The following CNTN4 variants were observed in gnomAD, a reference collection of about 807,000 sequenced individuals.
The protein encoded by CNTN4 is contactin-4.
CNTN4 carries 77 observed loss-of-function variants against 122.5 expected under a neutral mutation model. The observed-to-expected ratio is 0.63, with a 90% confidence interval of 0.52 to 0.76. The LOEUF (loss-of-function observed/expected upper bound fraction) is 0.76, where lower values mean the gene tolerates loss of function less well. CNTN4 is among the 30% of genes least tolerant of loss of function. The pLI, the probability that CNTN4 is intolerant of heterozygous loss-of-function variation, is 0.00. For synonymous variants in CNTN4, 512 were observed against 447.0 expected, an observed-to-expected ratio of 1.15 and a Z score of -1.83; for missense variants, 1,256 against 1,259.1, an observed-to-expected ratio of 1.00 and a Z score of 0.04.
intron 2 of CNTN4, among the ~76,000 whole-genome samples, chr3:2,137,484 G>T (rs1484429172): frequency 6.6e-6 from 1 of 152,014 alleles, no homozygotes; most frequent in African/African-American, 2.4e-5. Flanking sequence ...CCTTGTGAAT[G>T]ATAATTTGGG....
chr3:2,566,839 C>T (rs1054950880), intron 3 of CNTN4, among the ~76,000 whole-genome samples: 3 of 152,142 alleles, frequency 2.0e-5, no homozygotes, highest in African/African-American at 4.8e-5. Flanking sequence ...CGTGTTTTCC[C>T]ACTCTGTCTT....
At chr3:2,571,743 T>G (rs745609573) in intron 4 of CNTN4, among the ~76,000 whole-genome samples, 185 bp downstream of exon 4, 5 of 152,230 alleles carry the variant, frequency 3.3e-5, no homozygotes, top group African/African-American at 1.2e-4. Flanking sequence ...TTTCATGGTG[T>G]TGTATCCAGA....
At position 2,712,966 on chromosome 3, in the gene CNTN4, C is replaced by A. The variant is rs150118119; in HGVS notation, c.56-23249C>A. On this transcript the variant is annotated intron_variant, in intron 4 of 24. Coordinates refer to ENST00000418658, the MANE Select transcript of CNTN4 (RefSeq NM_175607.3). ...TCCCCAATACCTCGCCCTATGCATG[C>A]CTTCATCTGTATCCTTTGTGATATC... is the stretch of plus-strand genomic sequence containing the variant. Among the ~76,000 whole-genome samples the A allele has an allele frequency of 3.3e-5, 5 of 152,320 alleles. No homozygotes were observed. In the East Asian group the frequency reaches 7.7e-4, roughly 24 times the overall value.
At chr3:2,925,351 C>G (rs1008682246) in intron 12 of CNTN4, among the ~76,000 whole-genome samples, 1 of 151,918 alleles carries the variant, frequency 6.6e-6, no homozygotes, top group South Asian at 2.1e-4. Context: ...GTCAAGAGCT[C>G]GAGACCATCC....
At chr3:2,502,820 C>T (rs892500378) in intron 3 of CNTN4, among the ~76,000 whole-genome samples, 9 of 152,166 alleles carry the variant, frequency 5.9e-5, no homozygotes, top group African/African-American at 2.2e-4. Context: ...TGTCCTGACT[C>T]TGACACAAAA....
intron 13 of CNTN4, among the ~76,000 whole-genome samples, chr3:2,968,490 A>C (rs1393269324): frequency 1.3e-5 from 2 of 152,212 alleles, no homozygotes; most frequent in East Asian, 3.8e-4. Flanking sequence ...CCTCTTGTTA[A>C]GTAACTTTTT....
intron 6 of CNTN4, among the ~76,000 whole-genome samples, chr3:2,748,761 T>C (rs1406926711): frequency 1.3e-5 from 2 of 152,206 alleles, no homozygotes; most frequent in African/African-American, 4.8e-5. Context: ...GTCTTGAGCC[T>C]TTCCTTAACC....
intron 4 of CNTN4, among the ~76,000 whole-genome samples, chr3:2,638,467 A>C (rs2082762032): frequency 1.3e-5 from 2 of 152,080 alleles, no homozygotes; most frequent in South Asian, 4.1e-4. Context: ...CAAATTGAAG[A>C]TTTCTGTAAT....
chr3:2,934,727 G>C (rs1026906034), intron 13 of CNTN4, among the ~76,000 whole-genome samples: 2 of 152,280 alleles, frequency 1.3e-5, no homozygotes, highest in East Asian at 3.9e-4. Context: ...TTCTGCCCTG[G>C]GGAACAATTA....
At chr3:2,221,999 C>G (rs1575112165) in intron 2 of CNTN4, among the ~76,000 whole-genome samples, 1 of 152,140 alleles carries the variant, frequency 6.6e-6, no homozygotes, top group East Asian at 1.9e-4. Context: ...AACAATTCCT[C>G]AAAATGCTAA....
chr3:2,877,978 CA>C (rs1231245921), intron 8 of CNTN4, among the ~76,000 whole-genome samples: 1 of 152,176 alleles, frequency 6.6e-6, no homozygotes, highest in African/African-American at 2.4e-5. Flanking sequence ...ACAGGTGTTC[CA>C]AAACGATGTT....
intron 2 of CNTN4, among the ~76,000 whole-genome samples, chr3:2,138,172 T>C (rs1290112857): frequency 6.6e-6 from 1 of 151,996 alleles, no homozygotes; most frequent in Non-Finnish European, 1.5e-5. Flanking sequence ...GTTCAAGTGA[T>C]TCTCCTGCCT....
intron 3 of CNTN4, among the ~76,000 whole-genome samples, chr3:2,450,366 C>T (rs994398495): frequency 4.6e-5 from 5 of 107,988 alleles, no homozygotes; most frequent in Non-Finnish European, 1.1e-4. Context: ...GACTCTGTCT[C>T]AAAATAAATA....
At chr3:2,877,442 A>G (rs1349762112) in intron 8 of CNTN4, among the ~76,000 whole-genome samples, 1 of 152,252 alleles carries the variant, frequency 6.6e-6, no homozygotes, top group African/African-American at 2.4e-5. Flanking sequence ...ATAATGAATT[A>G]AGACATTTTT....
chr3:2,738,938 A>G (rs2089299115), intron 5 of CNTN4, among the ~76,000 whole-genome samples: 2 of 152,154 alleles, frequency 1.3e-5, no homozygotes, highest in South Asian at 4.1e-4. Context: ...AATAGAATAT[A>G]CTGAAATAAA....
At chr3:2,286,973 G>C (rs916038518) in intron 2 of CNTN4, among the ~76,000 whole-genome samples, 9 of 152,180 alleles carry the variant, frequency 5.9e-5, no homozygotes, top group Non-Finnish European at 1.3e-4. Flanking sequence ...GTAGGTAGAA[G>C]TATGAAGAAT....
intron 4 of CNTN4, among the ~76,000 whole-genome samples, chr3:2,689,073 C>A (rs1168507244): frequency 2.0e-5 from 3 of 152,190 alleles, no homozygotes; most frequent in African/African-American, 7.2e-5. Flanking sequence ...AAGAAAGTAA[C>A]AGCAGTGTGT....
At chr3:2,427,707 A>G (rs1034204291) in intron 3 of CNTN4, among the ~76,000 whole-genome samples, 32 of 150,760 alleles carry the variant, frequency 2.1e-4, no homozygotes, top group Non-Finnish European at 8.8e-5. Flanking sequence ...GTGGATGTCT[A>G]AGTCTCTTTG....
At chr3:2,646,212 C>T (rs887397361) in intron 4 of CNTN4, among the ~76,000 whole-genome samples, 1 of 151,842 alleles carries the variant, frequency 6.6e-6, no homozygotes, top group Non-Finnish European at 1.5e-5. Context: ...AGAAGATGTT[C>T]AGTCAGACAT....
Sources: gnomAD v4.1 joint callset for allele counts (sites outside exome capture counted in the v4.1 genomes callset) on GRCh38, gnomAD v4.1.1 for gene constraint, MANE v1.5 for transcripts, NCBI Gene and HGNC (gene_info 2026-07-23, HGNC 2026-07-21) for gene names.